The following MITF variants were observed in gnomAD, a reference collection of about 807,000 sequenced individuals.
The protein encoded by MITF is microphthalmia-associated transcription factor.
A neutral mutation model predicts 60.5 loss-of-function variants in MITF; 17 were observed. The observed-to-expected ratio is 0.28, with a 90% confidence interval of 0.19 to 0.42. MITF has a LOEUF of 0.42. Among genes scored for constraint, MITF ranks in the 10% least tolerant of loss-of-function variants. The pLI is 1.00. For synonymous variants in MITF, 260 were observed against 248.5 expected, an observed-to-expected ratio of 1.05 and a Z score of -0.43; for missense variants, 622 against 683.5, an observed-to-expected ratio of 0.91 and a Z score of 1.00.
intron 1 of MITF, among the ~76,000 whole-genome samples, chr3:69,846,932 C>A (rs1177467452): frequency 6.6e-6 from 1 of 151,902 alleles, no homozygotes; most frequent in African/African-American, 2.4e-5. Context: ...TGAAATGTGT[C>A]CAAGGAATTT....
intron 2 of MITF, among the ~76,000 whole-genome samples, chr3:69,915,227 T>C (rs1260572424): frequency 6.6e-6 from 1 of 152,202 alleles, no homozygotes; most frequent in East Asian, 1.9e-4. Flanking sequence ...GATTGTAAGA[T>C]ACAGCCTAGA....
At chr3:69,828,876 T>C (rs924822135) in intron 1 of MITF, among the ~76,000 whole-genome samples, 1 of 129,696 alleles carries the variant, frequency 7.7e-6, no homozygotes, top group Admixed American at 7.3e-5. Context: ...AGCAGAGCTT[T>C]ATTTTTTTTC....
intron 4 of MITF, among the ~76,000 whole-genome samples, chr3:69,939,673 T>C (rs1403130219): frequency 2.0e-5 from 3 of 152,156 alleles, no homozygotes; most frequent in Admixed American, 1.3e-4. Context: ...ATATATAAAT[T>C]ATGCTATATC....
intron 1 of MITF, among the ~76,000 whole-genome samples, chr3:69,821,615 A>C (rs1181806208): frequency 2.6e-5 from 4 of 151,234 alleles, no homozygotes; most frequent in African/African-American, 9.7e-5. Flanking sequence ...ATTTAAAAAA[A>C]ACTCATAAGT....
rs934160446 is a variant in MITF at position 69,965,929 on chromosome 3, C to G, written c.*681C>G. The stretch of plus-strand genomic sequence containing the variant: ...CTGAAATATAAAGTCTAATCTTGCT[C>G]TCTTTTATTCTGTGCTGTTACAGTT... On this transcript the variant is annotated 3_prime_UTR_variant, in exon 10 of 10. Coordinates refer to ENST00000352241, the MANE Select transcript of MITF (RefSeq NM_001354604.2). 4.3e-6 allele frequency: 1 copy of G among 231,678 alleles called. No individual in the cohort carries two copies. The highest frequency in any genetic ancestry group is 5.6e-5 in the Admixed American group (1 of 17,742). The allele number at this position is 231,678 out of a possible 1,614,324, so 14.4% of individuals were successfully genotyped here. A position where few individuals can be genotyped will look rare whatever the true frequency, so the allele number is the denominator to read the frequency against.
Position 69,938,173 on chromosome 3 carries a change from C to T in MITF, c.582+124C>T. 4.1e-6 allele frequency: 5 copies of T among 1,213,102 alleles called. No homozygotes were observed. In the East Asian group the frequency reaches 1.3e-4, roughly 31 times the overall value. The allele number at this position is 1,213,102 out of a possible 1,614,324, so 75.1% of individuals were successfully genotyped here. ...GTGGCCACATTTACCAGCCTTTGTC[C>T]CCGATTCACCATCGTGGCTGTGGCA... is the stretch of plus-strand genomic sequence containing the variant. On this transcript the variant is annotated intron_variant, in intron 3 of 9. Transcript: ENST00000352241.
Position 69,915,744 on chromosome 3 carries a change from T to C in MITF, c.355-22078T>C, listed in dbSNP as rs575465763. 6.6e-5 allele frequency among the ~76,000 whole-genome samples: 10 copies of C among 152,328 alleles called. No homozygotes were observed. In the East Asian group the frequency reaches 1.2e-3, roughly 18 times the overall value. On this transcript the variant is annotated intron_variant, in intron 2 of 9. Transcript: ENST00000352241. ...GCAGTACCTCTAACACACTGCAGAA[T>C]TGGTCTGGAGAGCAATGGAAGCCTG...
intron 1 of MITF, among the ~76,000 whole-genome samples, chr3:69,782,002 G>T (rs958115395): frequency 8.1e-5 from 12 of 147,948 alleles, no homozygotes; most frequent in Admixed American, 4.8e-4. Context: ...TTGCACTAAA[G>T]ATTTAGGGTT....
At chr3:69,786,964 C>T (rs1276842747) in intron 1 of MITF, among the ~76,000 whole-genome samples, 1 of 152,186 alleles carries the variant, frequency 6.6e-6, no homozygotes, top group African/African-American at 2.4e-5. Flanking sequence ...ATCCAATCCA[C>T]TCTGCCTTCA....
At chr3:69,870,973 G>A (rs2064224460) in intron 1 of MITF, among the ~76,000 whole-genome samples, 1 of 152,156 alleles carries the variant, frequency 6.6e-6, no homozygotes, top group South Asian at 2.1e-4. Flanking sequence ...GTATCCCAGG[G>A]TACATCAAAC....
At chr3:69,759,909 C>G (rs1193100431) in intron 1 of MITF, among the ~76,000 whole-genome samples, 2 of 152,146 alleles carry the variant, frequency 1.3e-5, no homozygotes, top group East Asian at 3.9e-4. Context: ...TCCCAAGTAG[C>G]TGGGACTACA....
intron 1 of MITF, among the ~76,000 whole-genome samples, chr3:69,877,177 T>C (rs147101619): frequency 2.6e-5 from 4 of 152,340 alleles, no homozygotes; most frequent in African/African-American, 9.6e-5. Context: ...TTTATTGAAT[T>C]CATATATGAT....
chr3:69,883,047 G>A (rs1046530841), intron 2 of MITF, among the ~76,000 whole-genome samples: 1 of 152,144 alleles, frequency 6.6e-6, no homozygotes, highest in African/African-American at 2.4e-5. Context: ...AGGCAAAGTC[G>A]AAGTGTCTTC....
intron 1 of MITF, among the ~76,000 whole-genome samples, chr3:69,851,842 G>A (rs1275323238): frequency 6.6e-6 from 1 of 152,098 alleles, no homozygotes; most frequent in Non-Finnish European, 1.5e-5. Flanking sequence ...TACCCAATAT[G>A]CTCACATGCT....
At chr3:69,757,590 G>A (rs1336502715) in intron 1 of MITF, among the ~76,000 whole-genome samples, 5 of 152,128 alleles carry the variant, frequency 3.3e-5, no homozygotes, top group Non-Finnish European at 7.4e-5. Context: ...TAAATCTGCT[G>A]TGTAGGCTGG....
intron 1 of MITF, among the ~76,000 whole-genome samples, chr3:69,831,886 A>G (rs1224339613): frequency 6.6e-6 from 1 of 152,176 alleles, no homozygotes; most frequent in Non-Finnish European, 1.5e-5. Context: ...CACAAGAACC[A>G]GTGGTGGAAC....
At chr3:69,811,790 G>T (rs1481371184) in intron 1 of MITF, among the ~76,000 whole-genome samples, 2 of 152,208 alleles carry the variant, frequency 1.3e-5, no homozygotes, top group Admixed American at 1.3e-4. Flanking sequence ...GTCTTTGTGT[G>T]ATTTGAGGAA....
At chr3:69,933,493 G>A (rs185454353) in intron 2 of MITF, among the ~76,000 whole-genome samples, 8 of 152,228 alleles carry the variant, frequency 5.3e-5, no homozygotes, top group Admixed American at 3.3e-4. Flanking sequence ...GATCCATTCC[G>A]ATTCTCTTGC....
chr3:69,785,240 T>C (rs542682282), intron 1 of MITF, among the ~76,000 whole-genome samples: 1 of 151,572 alleles, frequency 6.6e-6, no homozygotes, highest in Admixed American at 6.6e-5. Context: ...AGTCACGGCG[T>C]GCTGCGGCAG....
Sources: allele counts gnomAD v4.1 joint callset (sites outside exome capture counted in the v4.1 genomes callset), GRCh38; gene constraint gnomAD v4.1.1; transcripts MANE v1.5; gene names NCBI Gene and HGNC (gene_info 2026-07-23, HGNC 2026-07-21).